SH3RF3: variants seen among roughly 807,000 people sequenced by gnomAD.
SH3RF3 encodes the protein E3 ubiquitin-protein ligase SH3RF3.
In SH3RF3, 29 loss-of-function variants were observed where a neutral mutation model predicts 66.3. That is an observed-to-expected ratio of 0.44 (90% confidence interval 0.33 to 0.60). The LOEUF (loss-of-function observed/expected upper bound fraction) is 0.60, where lower values mean the gene tolerates loss of function less well. Ranked by LOEUF, SH3RF3 falls within the 20% of genes least tolerant of loss-of-function variation. The probability of loss-of-function intolerance (pLI) is 0.04; values close to 1 mark genes in which losing one functional copy is unlikely to be tolerated. For synonymous variants in SH3RF3, 583 were observed against 532.0 expected, an observed-to-expected ratio of 1.10 and a Z score of -1.32; for missense variants, 1,194 against 1,190.9, an observed-to-expected ratio of 1.00 and a Z score of -0.04.
intron 5 of SH3RF3, among the ~76,000 whole-genome samples, chr2:109,431,963 A>G (rs1008138986): frequency 2.6e-5 from 4 of 152,188 alleles, no homozygotes; most frequent in African/African-American, 9.7e-5. Context: ...TTCCCTTAAA[A>G]AGGGCCTCTG....
At chr2:109,379,674 G>T (rs888357510) in intron 3 of SH3RF3, among the ~76,000 whole-genome samples, 4 of 152,210 alleles carry the variant, frequency 2.6e-5, no homozygotes, top group Non-Finnish European at 4.4e-5. Flanking sequence ...GCGACAGCCT[G>T]TGGAAGGGAT....
In SH3RF3 at chr2:109,419,600, G is replaced by T; in HGVS notation, c.1361G>T (p.Gly454Val). 1 of 1,596,010 alleles carries T rather than the reference G, an allele frequency of 6.3e-7. No individual in the cohort carries two copies. Reference sequence around the variant, plus strand: ...GTCCCACGGGCTGCCTCGGTGTCTGGAGAGCAGGGCACGCCTCCCAAGGTC... The same window carrying T: ...GTCCCACGGGCTGCCTCGGTGTCTGTAGAGCAGGGCACGCCTCCCAAGGTC... Reference protein sequence around the residue: ...TAVPRAASVSGEQGTPPKVQL... With the variant: ...TAVPRAASVSVEQGTPPKVQL... The change falls in exon 5 of 10, where the codon GGA becomes GTA. Residue 454 changes from glycine (G) to valine (V), a missense_variant. By Grantham distance (109) the Gly-to-Val change is moderately radical (BLOSUM62 -3). Coordinates refer to ENST00000309415, the MANE Select transcript of SH3RF3 (RefSeq NM_001099289.3).
chr2:109,450,675 T>C (rs969870184), intron 8 of SH3RF3, among the ~76,000 whole-genome samples: 5 of 151,796 alleles, frequency 3.3e-5, no homozygotes, highest in South Asian at 2.1e-4. Context: ...TTTTTTTACG[T>C]GAAGTTTTTG....
chr2:109,420,742 G>C (rs1042623717), intron 5 of SH3RF3, among the ~76,000 whole-genome samples: 1 of 152,164 alleles, frequency 6.6e-6, no homozygotes, highest in African/African-American at 2.4e-5. Context: ...ACCGCGCCCG[G>C]CCAAACAGGA....
intron 6 of SH3RF3, among the ~76,000 whole-genome samples, chr2:109,435,946 T>G (rs1189827464): frequency 1.3e-5 from 2 of 152,132 alleles, no homozygotes; most frequent in Non-Finnish European, 2.9e-5. Flanking sequence ...AGGTGAGTCC[T>G]TTTCCAAGAG....
intron 1 of SH3RF3, among the ~76,000 whole-genome samples, chr2:109,191,066 C>G (rs1678341871): frequency 6.6e-6 from 1 of 152,036 alleles, no homozygotes; most frequent in Non-Finnish European, 1.5e-5. Flanking sequence ...CTAACCTCCT[C>G]TGTTGTATTC....
At chr2:109,396,565 T>C (rs1676151710) in intron 3 of SH3RF3, among the ~76,000 whole-genome samples, 1 of 152,070 alleles carries the variant, frequency 6.6e-6, no homozygotes, top group Non-Finnish European at 1.5e-5. Flanking sequence ...GGGTTTTTTG[T>C]TTTTGTTTTT....
chr2:109,331,134 C>T (rs1574578012), intron 1 of SH3RF3, among the ~76,000 whole-genome samples: 2 of 152,148 alleles, frequency 1.3e-5, no homozygotes, highest in South Asian at 2.1e-4. Context: ...AACTCAAAAG[C>T]GGTTTCATTC....
At chr2:109,329,786 A>G (rs1039673230) in intron 1 of SH3RF3, among the ~76,000 whole-genome samples, 48 of 152,376 alleles carry the variant, frequency 3.2e-4, no homozygotes, top group Non-Finnish European at 6.3e-4. Flanking sequence ...ACATAGGCCC[A>G]GCCTCACTTT....
At chr2:109,223,666 C>T (rs1679307147) in intron 1 of SH3RF3, among the ~76,000 whole-genome samples, 1 of 152,190 alleles carries the variant, frequency 6.6e-6, no homozygotes, top group East Asian at 1.9e-4. Flanking sequence ...CCATGGCTCT[C>T]CCCTGAATTC....
chr2:109,227,329 G>A (rs1464716886), intron 1 of SH3RF3, among the ~76,000 whole-genome samples: 2 of 152,010 alleles, frequency 1.3e-5, no homozygotes, highest in Non-Finnish European at 2.9e-5. Context: ...ATGCCAGAAA[G>A]TCACAATACT....
intron 1 of SH3RF3, among the ~76,000 whole-genome samples, chr2:109,279,529 C>T (rs1364108228): frequency 6.6e-6 from 1 of 152,198 alleles, no homozygotes; most frequent in Non-Finnish European, 1.5e-5. Flanking sequence ...CCCTCCATCA[C>T]CCTTGTCCTA....
At chr2:109,190,254 A>T (rs573639809) in intron 1 of SH3RF3, among the ~76,000 whole-genome samples, 14 of 152,098 alleles carry the variant, frequency 9.2e-5, no homozygotes, top group African/African-American at 3.4e-4. Context: ...GCCCACTGCA[A>T]CCTCCGCCTC....
intron 8 of SH3RF3, among the ~76,000 whole-genome samples, chr2:109,477,119 A>G (rs768531106): frequency 5.3e-5 from 8 of 152,176 alleles, no homozygotes; most frequent in Non-Finnish European, 1.0e-4. Context: ...CCCCTACTCA[A>G]GATGGAGTTG....
At chr2:109,453,388 T>G (rs577609329) in intron 8 of SH3RF3, among the ~76,000 whole-genome samples, 3 of 152,368 alleles carry the variant, frequency 2.0e-5, no homozygotes, top group Admixed American at 2.0e-4. Flanking sequence ...AAAAATGAAT[T>G]TTGTGCTTGA....
At chr2:109,397,073 A>G (rs1676167622) in intron 3 of SH3RF3, among the ~76,000 whole-genome samples, 1 of 152,154 alleles carries the variant, frequency 6.6e-6, no homozygotes, top group South Asian at 2.1e-4. Flanking sequence ...GGTGCCCTAC[A>G]GCACAGAGCC....
At chr2:109,467,611 A>G (rs2104710040) in intron 8 of SH3RF3, among the ~76,000 whole-genome samples, 1 of 152,364 alleles carries the variant, frequency 6.6e-6, no homozygotes, top group Middle Eastern at 3.4e-3. Context: ...GATATTTTTA[A>G]AAGTTAAGAC....
At chr2:109,417,640 T>C (rs1261191623) in intron 4 of SH3RF3, among the ~76,000 whole-genome samples, 1 of 152,180 alleles carries the variant, frequency 6.6e-6, no homozygotes, top group African/African-American at 2.4e-5. Flanking sequence ...TGCATTGCAA[T>C]GGAAGTCATT....
chr2:109,426,977 TA>T (rs1422113951), intron 5 of SH3RF3, among the ~76,000 whole-genome samples: 6 of 106,002 alleles, frequency 5.7e-5, no homozygotes, highest in East Asian at 2.4e-4. Flanking sequence ...TATATATATA[TA>T]TTTTTTTTTG....
Sources: gnomAD v4.1 joint callset for allele counts (sites outside exome capture counted in the v4.1 genomes callset) on GRCh38, gnomAD v4.1.1 for gene constraint, MANE v1.5 for transcripts, NCBI Gene and HGNC (gene_info 2026-07-23, HGNC 2026-07-21) for gene names.